RSAD1: variants seen among roughly 807,000 people sequenced by gnomAD.
RSAD1 encodes the protein radical S-adenosyl methionine domain containing 1.
A neutral mutation model predicts 46.2 loss-of-function variants in RSAD1; 34 were observed. The observed-to-expected ratio is 0.74, with a 90% confidence interval of 0.56 to 0.98. RSAD1 has a LOEUF of 0.98. Among genes scored for constraint, RSAD1 ranks in the 50% least tolerant of loss-of-function variants. The pLI is 0.00. For missense variants in RSAD1, 635 were observed against 592.3 expected (o/e 1.07, Z -0.75); for synonymous variants, 260 against 253.5 (o/e 1.03, Z -0.24).
chr17:50,482,049 C>T (rs956421018), intron 3 of RSAD1, 42 bp from the exon 4 acceptor site: 4 of 1,491,724 alleles, frequency 2.7e-6, no homozygotes, highest in African/African-American at 2.9e-5. Context: ...TCTTGTCTCT[C>T]TCTGAGCTGC....
intron 8 of RSAD1, 60 bp from the exon 9 acceptor site, chr17:50,484,684 G>C: frequency 6.4e-7 from 1 of 1,555,546 alleles, no homozygotes; most frequent in Non-Finnish European, 8.9e-7. Flanking sequence ...GGCCCTGCTG[G>C]GTGATGGGCT....
At chr17:50,484,411 C>T in intron 7 of RSAD1, 31 bp from the exon 8 acceptor site, 2 of 1,601,880 alleles carry the variant, frequency 1.2e-6, no homozygotes, top group Non-Finnish European at 1.7e-6. Flanking sequence ...GCCAGGCCAG[C>T]TCCCCACCTC....
In RSAD1 at chr17:50,482,627, T is replaced by G. The variant is rs748861195; in HGVS notation, c.841-16T>G. 6 of 1,613,948 alleles carry G rather than the reference T, an allele frequency of 3.7e-6. No homozygotes were observed. In the Admixed American group the frequency reaches 5.0e-5, roughly 13 times the overall value. ...CCTGCCCTCTTCACTCTGCACTATTTCCTCCCTCCCCGCAGGGGGCGCTCA... is the reference window on the plus strand; with the variant it reads ...CCTGCCCTCTTCACTCTGCACTATTGCCTCCCTCCCCGCAGGGGGCGCTCA... On this transcript the variant is annotated splice_polypyrimidine_tract_variant and intron_variant, in intron 4 of 8. Coordinates refer to ENST00000258955, the MANE Select transcript of RSAD1 (RefSeq NM_018346.3).
chr17:50,483,037 TA>T (rs11444933), intron 5 of RSAD1, among the ~76,000 whole-genome samples: 15 of 142,512 alleles, frequency 1.1e-4, no homozygotes, highest in East Asian at 2.0e-4. Context: ...GATAGATGAT[TA>T]AAAAAAAAAG....
intron 5 of RSAD1, 79 bp from the exon 6 acceptor site, chr17:50,483,261 C>T (rs781059157): frequency 5.0e-5 from 72 of 1,442,822 alleles, no homozygotes; most frequent in Non-Finnish European, 6.0e-5. Flanking sequence ...GCAGTTGCTC[C>T]AGGGACCACA....
chr17:50,482,540 A>G, intron 4 of RSAD1, 84 bp downstream of exon 4: 1 of 1,610,922 alleles, frequency 6.2e-7, no homozygotes, highest in Non-Finnish European at 8.5e-7. Flanking sequence ...GAAGAGAAGG[A>G]TCCTGGCCGA....
Position 50,480,029 on chromosome 17 carries a change from C to G in RSAD1, c.419C>G (p.Ser140Cys). The change falls in exon 3 of 9, where the codon TCC (serine) becomes TGC (cysteine). Residue 140 changes from serine to cysteine, a missense_variant. Physicochemically the swap from Ser to Cys is moderately radical, Grantham distance 112. Transcript: ENST00000258955. ...GCTAATCCTACTTCAGCTCCGGGCT[C>G]CAGACTGGCAGAGTTCGGGGCAGCA... ...LEANPTSAPG[S>C]RLAEFGAAGV... is the part of the protein sequence containing the mutation. The G allele has an allele frequency of 6.2e-7, 1 of 1,614,164 alleles. No homozygotes were observed. Among genetic ancestry groups the G allele is most frequent in the Non-Finnish European group, 8.5e-7 (1 of 1,180,026 alleles).
At position 50,484,917 on chromosome 17, in the gene RSAD1, G is replaced by A. The variant is rs914125618; in HGVS notation, c.*56G>A. 1.0e-5 allele frequency: 14 copies of A among 1,378,836 alleles called. No homozygotes were observed. Among genetic ancestry groups the A allele is most frequent in the Non-Finnish European group, 1.3e-5 (13 of 968,682 alleles). The allele number at this position is 1,378,836 out of a possible 1,614,324, so 85.4% of individuals were successfully genotyped here. ...CAGGTGGGTTTTGAGAGCTGGGTCG[G>A]TACTGCAGACATCTCTTCTCCGTTG... On this transcript the variant is annotated 3_prime_UTR_variant, in exon 9 of 9. Transcript: ENST00000258955.
In RSAD1 at chr17:50,483,411, C is replaced by T. The variant is rs781086623; in HGVS notation, c.976C>T (p.Pro326Ser). Residue 326 changes from proline (P) to serine (S), a missense_variant, in exon 6 of 9, where the codon CCT becomes TCT. Physicochemically the swap from Pro to Ser is moderately conservative, Grantham distance 74. Transcript: ENST00000258955. ...TREARIQTLE[P>S]DNWMKEVMLF... ...GGAGGCTCGGATCCAGACACTGGAG[C>T]CTGACAACTGGATGAAGGAGGTGAT... is the stretch of plus-strand genomic sequence containing the variant. 1 of 1,613,866 alleles carries T rather than the reference C, an allele frequency of 6.2e-7. No individual in the cohort carries two copies. Among genetic ancestry groups the T allele is most frequent in the Non-Finnish European group, 8.5e-7 (1 of 1,179,936 alleles).
At chr17:50,483,656 G>A in intron 6 of RSAD1, 50 bp from the exon 7 acceptor site, 3 of 1,603,790 alleles carry the variant, frequency 1.9e-6, no homozygotes, top group Non-Finnish European at 1.7e-6. Flanking sequence ...TTGGAGAATG[G>A]GAGGAGCACA....
Position 50,483,837 on chromosome 17 carries a change from C to G in RSAD1, c.1107+77C>G, listed in dbSNP as rs536607156. Reference sequence around the variant, plus strand: ...CAATGCCCCCTCCCTGCCACCCCCCCCACACACATATACCTCCAATTTCTG... The same window carrying G: ...CAATGCCCCCTCCCTGCCACCCCCCGCACACACATATACCTCCAATTTCTG... On this transcript the variant is annotated intron_variant, in intron 7 of 8. Transcript: ENST00000258955. The G allele has an allele frequency of 1.3e-5, 18 of 1,372,608 alleles. No individual in the cohort carries two copies. The East Asian group carries it at 2.6e-4, about 20-fold the overall frequency. 85.0% of individuals were successfully genotyped at this position (1,372,608 alleles called of 1,614,324 possible).
At chr17:50,479,219 C>T in intron 1 of RSAD1, 200 bp downstream of exon 1, 1 of 554,888 alleles carries the variant, frequency 1.8e-6, no homozygotes, top group Non-Finnish European at 2.8e-6. Context: ...CTCTGCTACT[C>T]ACCGGCTCGG....
At position 50,482,401 on chromosome 17, in the gene RSAD1, C is replaced by A; in HGVS notation, c.785C>A (p.Ala262Asp). ...LAAEMYQRGR[A>D]VLREAGFHQY... Reference sequence around the variant, plus strand: ...GCTGAGATGTACCAGAGGGGCCGGGCTGTCCTTCGGGAGGCTGGCTTCCAC... The same window carrying A: ...GCTGAGATGTACCAGAGGGGCCGGGATGTCCTTCGGGAGGCTGGCTTCCAC... The change falls in exon 4 of 9, where the codon GCT becomes GAT. Residue 262 changes from alanine to aspartate, a missense_variant. Physicochemically the swap from Ala to Asp is moderately radical, Grantham distance 126 (BLOSUM62 -2). Coordinates refer to ENST00000258955, the MANE Select transcript of RSAD1 (RefSeq NM_018346.3). 1.3e-6 allele frequency: 2 copies of A among 1,595,638 alleles called. No individual in the cohort carries two copies.
In RSAD1 at chr17:50,478,901, C is replaced by T. The variant is rs377346720; in HGVS notation, c.17C>T (p.Ala6Val). 103 of 1,315,952 alleles carry T rather than the reference C, an allele frequency of 7.8e-5. 4 individuals are homozygous for T. In the South Asian group the frequency reaches 9.9e-4, roughly 13 times the overall value. 81.5% of individuals were successfully genotyped at this position (1,315,952 alleles called of 1,614,324 possible). ...CTGGGCGCCATGGCGCTCCCCGGAG[C>T]CCGGGCTCGCGGCTGGGCGGCAGCA... is the stretch of plus-strand genomic sequence containing the variant. MALPG[A>V]RARGWAAAAR... The change falls in exon 1 of 9, where the codon GCC (alanine) becomes GTC (valine). Residue 6 changes from alanine (A) to valine (V), a missense_variant. Coordinates refer to ENST00000258955, the MANE Select transcript of RSAD1 (RefSeq NM_018346.3).
chr17:50,484,974 G>A lies in RSAD1; in HGVS notation c.*113G>A. The A allele has an allele frequency of 2.4e-6, 2 of 823,766 alleles. No homozygotes were observed. The highest frequency in any genetic ancestry group is 4.0e-6 in the Non-Finnish European group (2 of 499,216). The allele number at this position is 823,766 out of a possible 1,614,324, so 51.0% of individuals were successfully genotyped here. A position where few individuals can be genotyped will look rare whatever the true frequency, so the allele number is the denominator to read the frequency against. The stretch of plus-strand genomic sequence containing the variant: ...GCCGTCTCTGCTCCTTGTGGTTATT[G>A]CTCAGCCCTGGCATCCCCAGGGGAA... On this transcript the variant is annotated 3_prime_UTR_variant, in exon 9 of 9. Coordinates refer to ENST00000258955, the MANE Select transcript of RSAD1 (RefSeq NM_018346.3).
intron 5 of RSAD1, among the ~76,000 whole-genome samples, chr17:50,483,086 C>G (rs1349650508): frequency 3.6e-5 from 5 of 140,648 alleles, no homozygotes; most frequent in Admixed American, 7.6e-5. Flanking sequence ...TGCCTCTAAT[C>G]TGAGCTACTT....
intron 5 of RSAD1, among the ~76,000 whole-genome samples, chr17:50,483,042 A>G (rs946625920): frequency 2.0e-5 from 3 of 151,528 alleles, no homozygotes; most frequent in African/African-American, 7.3e-5. Flanking sequence ...ATGATTAAAA[A>G]AAAAAGAAAA....
intron 3 of RSAD1, chr17:50,480,398 C>G: frequency 2.7e-6 from 1 of 374,912 alleles, no homozygotes; most frequent in Middle Eastern, 8.9e-4. Flanking sequence ...ATTATTGCAG[C>G]ATGGTAAATG....
chr17:50,484,685 G>A, intron 8 of RSAD1, 59 bp from the exon 9 acceptor site: 1 of 1,558,226 alleles, frequency 6.4e-7, no homozygotes, highest in Non-Finnish European at 8.8e-7. Flanking sequence ...GCCCTGCTGG[G>A]TGATGGGCTT....
Sources: allele counts gnomAD v4.1 joint callset (sites outside exome capture counted in the v4.1 genomes callset), GRCh38; gene constraint gnomAD v4.1.1; transcripts MANE v1.5; gene names NCBI Gene and HGNC (gene_info 2026-07-23, HGNC 2026-07-21).